Variants in PTPRD observed in about 807,000 individuals in gnomAD.
PTPRD encodes the protein receptor-type tyrosine-protein phosphatase delta.
A neutral mutation model predicts 214.5 loss-of-function variants in PTPRD; 34 were observed. That is an observed-to-expected ratio of 0.16 (90% CI 0.12 to 0.21). The LOEUF is 0.21. PTPRD is among the 10% of genes least tolerant of loss of function. The pLI is 1.00. For synonymous variants in PTPRD, 1,128 were observed against 845.7 expected (o/e 1.33, Z -5.79); for missense variants, 2,545 against 2,398.7 (o/e 1.06, Z -1.27).
chr9:8,563,548 T>C (rs1016443801), intron 14 of PTPRD, among the ~76,000 whole-genome samples: 9 of 151,498 alleles, frequency 5.9e-5, no homozygotes, highest in Non-Finnish European at 2.9e-5. Context: ...GCAATTCTCC[T>C]GCCTCAGCCT....
intron 3 of PTPRD, among the ~76,000 whole-genome samples, chr9:10,289,692 AG>A (rs1311434967): frequency 1.3e-5 from 2 of 152,228 alleles, no homozygotes; most frequent in Non-Finnish European, 1.5e-5. Flanking sequence ...TTGTAAACAA[AG>A]GGCTAAATAG....
In PTPRD at chr9:9,891,296, C is replaced by A. The variant is rs186838257; in HGVS notation, c.-368+47211G>T. On this transcript the variant is annotated intron_variant, in intron 5 of 45. Transcript: ENST00000381196. ...GCAATAAACTCCCAATTATTTTAGA[C>A]TTTTTGTTCCAAATAATTAAAGAAT... Among the ~76,000 whole-genome samples, 33 of 151,826 alleles carry A rather than the reference C, an allele frequency of 2.2e-4. 1 individual carries two copies. Among genetic ancestry groups the A allele is most frequent in the African/African-American group, 7.7e-4 (32 of 41,418 alleles).
At chr9:9,943,868 C>A (rs1351866324) in intron 4 of PTPRD, among the ~76,000 whole-genome samples, 1 of 152,106 alleles carries the variant, frequency 6.6e-6, no homozygotes, top group African/African-American at 2.4e-5. Context: ...GGACTGCTAG[C>A]CCCAGCTCTC....
At chr9:8,838,139 A>G (rs1260548331) in intron 11 of PTPRD, among the ~76,000 whole-genome samples, 1 of 152,194 alleles carries the variant, frequency 6.6e-6, no homozygotes, top group Non-Finnish European at 1.5e-5. Flanking sequence ...AAAGGTTATG[A>G]TGACTGACTT....
chr9:8,808,027 A>T (rs556724276), intron 11 of PTPRD, among the ~76,000 whole-genome samples: 1 of 152,296 alleles, frequency 6.6e-6, no homozygotes, highest in South Asian at 2.1e-4. Flanking sequence ...ACAAAATGAA[A>T]ATGCTATGCA....
At chr9:9,322,293 G>T (rs1966859615) in intron 9 of PTPRD, among the ~76,000 whole-genome samples, 1 of 152,100 alleles carries the variant, frequency 6.6e-6, no homozygotes, top group South Asian at 2.1e-4. Context: ...TGATTACTGG[G>T]CATTTGCTAT....
At chr9:9,008,244 T>TA (rs1567558345) in intron 11 of PTPRD, among the ~76,000 whole-genome samples, 7 of 150,650 alleles carry the variant, frequency 4.6e-5, no homozygotes, top group Admixed American at 1.3e-4. Context: ...TTTATTTATT[T>TA]TTGAGACAGA....
At chr9:9,930,908 C>T (rs1021050584) in intron 5 of PTPRD, among the ~76,000 whole-genome samples, 5 of 151,906 alleles carry the variant, frequency 3.3e-5, no homozygotes, top group African/African-American at 9.7e-5. Flanking sequence ...GGACTTTACG[C>T]ATTTACTAGA....
intron 11 of PTPRD, among the ~76,000 whole-genome samples, chr9:8,754,147 A>C (rs2093777429): frequency 6.6e-6 from 1 of 152,178 alleles, no homozygotes; most frequent in African/African-American, 2.4e-5. Flanking sequence ...TCCATCTCAA[A>C]AAAAAGACTC....
chr9:10,135,449 G>C (rs974606683), intron 3 of PTPRD, among the ~76,000 whole-genome samples: 1 of 151,968 alleles, frequency 6.6e-6, no homozygotes, highest in Non-Finnish European at 1.5e-5. Flanking sequence ...AGGTCAATGT[G>C]ATAGAAAAAA....
intron 4 of PTPRD, among the ~76,000 whole-genome samples, chr9:9,946,513 C>A (rs997074807): frequency 6.6e-6 from 1 of 152,074 alleles, no homozygotes; most frequent in Admixed American, 6.6e-5. Context: ...GATTATTAGT[C>A]CCCAGTAGGG....
At chr9:9,704,727 A>G (rs2097567144) in intron 7 of PTPRD, among the ~76,000 whole-genome samples, 2 of 152,224 alleles carry the variant, frequency 1.3e-5, no homozygotes, top group Admixed American at 6.5e-5. Flanking sequence ...CCACTGTGAT[A>G]AAGTGTGCAC....
intron 4 of PTPRD, among the ~76,000 whole-genome samples, chr9:9,971,447 G>C (rs1332097263): frequency 6.6e-6 from 1 of 152,134 alleles, no homozygotes; most frequent in Non-Finnish European, 1.5e-5. Context: ...AAATTAGCTT[G>C]AAAGCAGTAT....
chr9:9,984,520 G>A (rs987280611), intron 4 of PTPRD, among the ~76,000 whole-genome samples: 2 of 152,154 alleles, frequency 1.3e-5, no homozygotes, highest in Admixed American at 6.5e-5. Flanking sequence ...CAGATTGGAC[G>A]CAGGTGAGCC....
At chr9:8,389,184 C>T in intron 37 of PTPRD, 48 bp downstream of exon 37, 1 of 1,522,708 alleles carries the variant, frequency 6.6e-7, no homozygotes, top group Non-Finnish European at 8.9e-7. Flanking sequence ...AACATAGGGA[C>T]TCTGAGGGAA....
chr9:9,219,324 T>C (rs1348471234), intron 9 of PTPRD, among the ~76,000 whole-genome samples: 1 of 152,044 alleles, frequency 6.6e-6, no homozygotes, highest in African/African-American at 2.4e-5. Context: ...GGTTAAAAAA[T>C]AGGATTATAT....
intron 5 of PTPRD, among the ~76,000 whole-genome samples, chr9:9,844,481 T>C (rs991877133): frequency 6.6e-6 from 1 of 151,998 alleles, no homozygotes; most frequent in Non-Finnish European, 1.5e-5. Context: ...GAACAATTGA[T>C]TTTTATCTTT....
At chr9:9,437,099 G>A (rs979078987) in intron 8 of PTPRD, among the ~76,000 whole-genome samples, 1 of 152,118 alleles carries the variant, frequency 6.6e-6, no homozygotes, top group Non-Finnish European at 1.5e-5. Flanking sequence ...TTTGGGCAGC[G>A]AATTCACTGG....
At chr9:9,892,414 G>T (rs1393076231) in intron 5 of PTPRD, among the ~76,000 whole-genome samples, 1 of 152,064 alleles carries the variant, frequency 6.6e-6, no homozygotes, top group Non-Finnish European at 1.5e-5. Flanking sequence ...GTGCACACTT[G>T]CTCTGCTCAG....
Sources: allele counts gnomAD v4.1 joint callset (sites outside exome capture counted in the v4.1 genomes callset), GRCh38; gene constraint gnomAD v4.1.1; transcripts MANE v1.5; gene names NCBI Gene and HGNC (gene_info 2026-07-23, HGNC 2026-07-21).